The following RHBDL3 variants were observed in gnomAD, a reference collection of about 807,000 sequenced individuals.
RHBDL3 encodes the protein rhomboid-related protein 3.
A neutral mutation model predicts 48.2 loss-of-function variants in RHBDL3; 28 were observed. The ratio of observed to expected loss-of-function variants is 0.58; its 90% CI spans 0.43 to 0.80. The LOEUF (loss-of-function observed/expected upper bound fraction) is 0.80, where lower values mean the gene tolerates loss of function less well. Among genes scored for constraint, RHBDL3 ranks in the 30% least tolerant of loss-of-function variants. The pLI is 0.00. For missense variants in RHBDL3, 464 were observed against 542.7 expected (o/e 0.85, Z 1.44); for synonymous variants, 208 against 232.3 (o/e 0.90, Z 0.95).
At chr17:32,305,275 C>A in intron 6 of RHBDL3, 66 bp from the exon 7 acceptor site, 2 of 1,055,900 alleles carry the variant, frequency 1.9e-6, no homozygotes, top group African/African-American at 1.6e-5. Flanking sequence ...GAATCCAAGG[C>A]CTGGGGCTGG....
intron 7 of RHBDL3, among the ~76,000 whole-genome samples, chr17:32,306,729 C>T (rs1193579582): frequency 6.6e-6 from 1 of 152,030 alleles, no homozygotes; most frequent in African/African-American, 2.4e-5. Context: ...AAGACCAGCC[C>T]AGGCAACATG....
At chr17:32,282,006 C>T (rs1344582058) in intron 2 of RHBDL3, among the ~76,000 whole-genome samples, 1 of 152,224 alleles carries the variant, frequency 6.6e-6, no homozygotes, top group Non-Finnish European at 1.5e-5. Flanking sequence ...TTCTGTGCCT[C>T]TATTTCCTCG....
At chr17:32,285,136 G>T (rs2040164279) in intron 3 of RHBDL3, among the ~76,000 whole-genome samples, 1 of 150,670 alleles carries the variant, frequency 6.6e-6, no homozygotes, top group African/African-American at 2.5e-5. Flanking sequence ...GAGGGAGAGA[G>T]AGAGGGAGGG....
At chr17:32,314,473 G>A (rs555689237) in intron 7 of RHBDL3, among the ~76,000 whole-genome samples, 3 of 152,110 alleles carry the variant, frequency 2.0e-5, no homozygotes, top group African/African-American at 7.2e-5. Context: ...ATGAGCCACC[G>A]CGCCCAGCCG....
At chr17:32,316,406 A>G (rs2040975114) in intron 8 of RHBDL3, 114 bp downstream of exon 8, 3 of 731,192 alleles carry the variant, frequency 4.1e-6, no homozygotes, top group Non-Finnish European at 7.1e-6. Context: ...AAAGTGGGAC[A>G]TGTCAATGGT....
chr17:32,288,902 T>C lies in RHBDL3; in HGVS notation c.405T>C (p.Leu135=). ...AGGGGCTGAGCCTCTCGCAGCGACT[T>C]ATCCGCCATGTGGCCTATGAGACCC... is the stretch of plus-strand genomic sequence containing the variant. The part of the protein sequence containing the change: ...EEKGLSLSQR[L]IRHVAYETLP... The change falls in exon 4 of 9, where the codon CTT becomes CTC. Residue 135 remains leucine, a synonymous_variant. Coordinates refer to ENST00000269051, the MANE Select transcript of RHBDL3 (RefSeq NM_138328.3). 6.2e-7 allele frequency: 1 copy of C among 1,614,212 alleles called. No individual in the cohort carries two copies. The highest frequency in any genetic ancestry group is 8.5e-7 in the Non-Finnish European group (1 of 1,180,050).
At chr17:32,271,074 T>A (rs911517110) in intron 2 of RHBDL3, among the ~76,000 whole-genome samples, 1 of 152,184 alleles carries the variant, frequency 6.6e-6, no homozygotes, top group East Asian at 1.9e-4. Flanking sequence ...GAAAAAAGTC[T>A]TATTTTCTGT....
At chr17:32,309,383 T>C (rs1174092255) in intron 7 of RHBDL3, among the ~76,000 whole-genome samples, 1 of 151,836 alleles carries the variant, frequency 6.6e-6, no homozygotes, top group African/African-American at 2.4e-5. Flanking sequence ...AGAAACCCCG[T>C]CTCTACTAAA....
At chr17:32,292,651 A>G (rs576457374) in intron 4 of RHBDL3, among the ~76,000 whole-genome samples, 1 of 152,076 alleles carries the variant, frequency 6.6e-6, no homozygotes, top group Admixed American at 6.6e-5. Context: ...TAAAAATACA[A>G]AAATTAGCTG....
intron 8 of RHBDL3, 71 bp from the exon 9 acceptor site, chr17:32,320,887 T>C: frequency 9.5e-7 from 1 of 1,055,334 alleles, no homozygotes; most frequent in South Asian, 1.4e-5. Flanking sequence ...CATGGGTGGG[T>C]GATGAAGTGA....
At chr17:32,286,032 A>G (rs1329304120) in intron 3 of RHBDL3, among the ~76,000 whole-genome samples, 1 of 152,130 alleles carries the variant, frequency 6.6e-6, no homozygotes, top group Non-Finnish European at 1.5e-5. Context: ...GACCTCCTGG[A>G]GAGCAAGGGA....
intron 6 of RHBDL3, among the ~76,000 whole-genome samples, chr17:32,303,258 A>G (rs2040628221): frequency 6.6e-6 from 1 of 152,154 alleles, no homozygotes; most frequent in Non-Finnish European, 1.5e-5. Flanking sequence ...ACTCTGGGCC[A>G]GTTTGTACAG....
At position 32,321,352 on chromosome 17, in the gene RHBDL3, A is replaced by G. The variant is rs533116309; in HGVS notation, c.*123A>G. On this transcript the variant is annotated 3_prime_UTR_variant, in exon 9 of 9. Coordinates refer to ENST00000269051, the MANE Select transcript of RHBDL3 (RefSeq NM_138328.3). The stretch of plus-strand genomic sequence containing the variant: ...AGACAAGGACAGAAGACTCTGGGCC[A>G]CTGTAATGTTTGTGTTTAGATTTGG... The G allele has an allele frequency of 5.8e-6, 9 of 1,549,442 alleles. No individual in the cohort carries two copies. In the East Asian group the frequency reaches 1.4e-4, roughly 25 times the overall value.
chr17:32,299,735 G>A (rs2040539419), intron 6 of RHBDL3, among the ~76,000 whole-genome samples: 1 of 152,212 alleles, frequency 6.6e-6, no homozygotes, highest in African/African-American at 2.4e-5. Flanking sequence ...TGACACCAGT[G>A]CAGAGTGGGA....
intron 1 of RHBDL3, 130 bp from the exon 2 acceptor site, chr17:32,267,772 G>A: frequency 6.5e-7 from 1 of 1,549,052 alleles, no homozygotes; most frequent in Non-Finnish European, 8.7e-7. Flanking sequence ...CCCTGAGCCT[G>A]GTCATGACTC....
Position 32,288,695 on chromosome 17 carries a change from G to A in RHBDL3, c.295-97G>A, listed in dbSNP as rs577655917. On this transcript the variant is annotated intron_variant, in intron 3 of 8. Transcript: ENST00000269051. ...ATTATAGGAGAAAGGGAAATGCGGG[G>A]TCAGGCCTGGTGCAAGGAACATGCT... 332 of 810,818 alleles carry A rather than the reference G, an allele frequency of 4.1e-4. 1 individual carries two copies. The South Asian group carries it at 5.6e-3, about 14-fold the overall frequency. 50.2% of individuals were successfully genotyped at this position (810,818 alleles called of 1,614,324 possible). A position where few individuals can be genotyped will look rare whatever the true frequency, so the allele number is the denominator to read the frequency against.
intron 7 of RHBDL3, among the ~76,000 whole-genome samples, chr17:32,311,691 G>A (rs1324246039): frequency 1.3e-5 from 2 of 152,176 alleles, no homozygotes; most frequent in Non-Finnish European, 2.9e-5. Context: ...GGGCCTGGGA[G>A]GTGCTGTGGC....
intron 7 of RHBDL3, among the ~76,000 whole-genome samples, chr17:32,314,173 G>A (rs1289896450): frequency 1.3e-5 from 2 of 152,150 alleles, no homozygotes; most frequent in Admixed American, 1.3e-4. Flanking sequence ...TACCTAAAAA[G>A]GGAAGGCAGG....
chr17:32,286,588 T>C (rs1430987933), intron 3 of RHBDL3, among the ~76,000 whole-genome samples: 1 of 152,206 alleles, frequency 6.6e-6, no homozygotes, highest in Non-Finnish European at 1.5e-5. Flanking sequence ...AAAAAAGTAT[T>C]TGAATATTTT....
Sources: gnomAD v4.1 joint callset for allele counts (sites outside exome capture counted in the v4.1 genomes callset) on GRCh38, gnomAD v4.1.1 for gene constraint, MANE v1.5 for transcripts, NCBI Gene and HGNC (gene_info 2026-07-23, HGNC 2026-07-21) for gene names.